Variants in ZNF556 observed in about 807,000 individuals in gnomAD.
ZNF556 encodes zinc finger protein 556.
Under a neutral mutation model 13.6 loss-of-function variants are expected in ZNF556, and 11 were observed. The ratio of observed to expected loss-of-function variants is 0.81; its 90% CI spans 0.51 to 1.33. The LOEUF (loss-of-function observed/expected upper bound fraction) is 1.33, where lower values mean the gene tolerates loss of function less well. Among genes scored for constraint, ZNF556 ranks in the 40% most tolerant of loss-of-function variants. The pLI is 0.00. For synonymous variants in ZNF556, 229 were observed against 207.8 expected (o/e 1.10, Z -0.88); for missense variants, 633 against 566.2 (o/e 1.12, Z -1.20).
At chr19:2,872,180 A>T (rs547638709) in intron 1 of ZNF556, among the ~76,000 whole-genome samples, 32 of 148,666 alleles carry the variant, frequency 2.2e-4, no homozygotes, top group African/African-American at 7.5e-4. Flanking sequence ...GGCCTGACTG[A>T]TGTCAGGCCC....
chr19:2,872,852 G>T (rs1463185549), intron 1 of ZNF556, among the ~76,000 whole-genome samples: 1 of 151,332 alleles, frequency 6.6e-6, no homozygotes, highest in Non-Finnish European at 1.5e-5. Flanking sequence ...ATACTAAAAG[G>T]CCGGGTGTGG....
chr19:2,876,282 T>C lies in ZNF556; in HGVS notation c.314+6T>C. 1.9e-6 allele frequency: 3 copies of C among 1,569,960 alleles called. No homozygotes were observed. Among genetic ancestry groups the C allele is most frequent in the South Asian group, 1.2e-5 (1 of 83,228 alleles). ...ACCAAGGAGAGACATTTGAGGTGAG[T>C]TGTACTTAGAAGAAAAAGGCAGTAT... is the stretch of plus-strand genomic sequence containing the variant. On this transcript the variant is annotated splice_donor_region_variant and intron_variant, in intron 3 of 3. Coordinates refer to ENST00000307635, the MANE Select transcript of ZNF556 (RefSeq NM_024967.3).
chr19:2,870,954 A>G (rs1416116517), intron 1 of ZNF556, among the ~76,000 whole-genome samples: 1 of 145,348 alleles, frequency 6.9e-6, no homozygotes, highest in Admixed American at 6.9e-5. Flanking sequence ...CGGGAGGATC[A>G]CTTGAACCTT....
intron 1 of ZNF556, 119 bp downstream of exon 1, chr19:2,867,543 C>T: frequency 2.1e-6 from 3 of 1,417,716 alleles, no homozygotes; most frequent in Non-Finnish European, 2.9e-6. Context: ...AGCCTCTGTC[C>T]CTGTGTCACC....
rs140420344 is a variant in ZNF556, at chr19:2,873,671, T to C, written c.130+49T>C. ...CTTAGTTATTAGATAATAAATGTTT[T>C]GTCTGGTTGCAGTGGTTCATGCCTG... is the stretch of plus-strand genomic sequence containing the variant. On this transcript the variant is annotated intron_variant, in intron 2 of 3. Coordinates refer to ENST00000307635, the MANE Select transcript of ZNF556 (RefSeq NM_024967.3). 2.1e-4 allele frequency: 336 copies of C among 1,589,030 alleles called. No homozygotes were observed. The African/African-American group carries it at 4.0e-3, about 19-fold the overall frequency.
chr19:2,868,619 G>T (rs1490659737), intron 1 of ZNF556, among the ~76,000 whole-genome samples: 2 of 151,962 alleles, frequency 1.3e-5, no homozygotes, highest in African/African-American at 4.8e-5. Context: ...GTTTTACCAT[G>T]TTGGCCAAGC....
In ZNF556 at chr19:2,875,959, G is replaced by A. The variant is rs370760240; in HGVS notation, c.131-134G>A. 1.1e-3 allele frequency: 851 copies of A among 800,124 alleles called. 6 individuals carry two copies. In the African/African-American group the frequency reaches 0.013, roughly 12 times the overall value. 49.6% of individuals were successfully genotyped at this position (800,124 alleles called of 1,614,324 possible). A position where few individuals can be genotyped will look rare whatever the true frequency, so the allele number is the denominator to read the frequency against. ...AGCCTGGGCGACAGAGTGAGACTCC[G>A]TCTCAAAAATAAATAAATAAATAGA... is the stretch of plus-strand genomic sequence containing the variant. On this transcript the variant is annotated intron_variant, in intron 2 of 3. Transcript: ENST00000307635.
intron 2 of ZNF556, among the ~76,000 whole-genome samples, chr19:2,874,489 A>G (rs1343129203): frequency 2.0e-5 from 3 of 151,424 alleles, no homozygotes; most frequent in Non-Finnish European, 2.9e-5. Context: ...TCATGCCTGT[A>G]ATACCAGCAC....
rs1439154904 is a variant in ZNF556 at position 2,881,421 on chromosome 19, C to CA, written c.*3098dup. The CA allele has an allele frequency of 2.6e-5, 4 of 151,724 alleles. No individual in the cohort carries two copies. The highest frequency in any genetic ancestry group is 2.1e-4 in the South Asian group (1 of 4,800). The allele number at this position is 151,724 out of a possible 1,614,324, so 9.4% of individuals were successfully genotyped here. ...TGAAACCTTGTCTCTACTAAAAATA[C>CA]AAAAAATTGGCCAGGCGTGGTGGCA... is the stretch of plus-strand genomic sequence containing the variant. On this transcript the variant is annotated 3_prime_UTR_variant, in exon 4 of 4. Coordinates refer to ENST00000307635, the MANE Select transcript of ZNF556 (RefSeq NM_024967.3).
chr19:2,873,988 G>A (rs2087827833), intron 2 of ZNF556, among the ~76,000 whole-genome samples: 1 of 152,046 alleles, frequency 6.6e-6, no homozygotes, highest in African/African-American at 2.4e-5. Flanking sequence ...CAGGCACGGT[G>A]GCTCACGCCT....
At chr19:2,876,309 G>T (rs771647520) in intron 3 of ZNF556, 33 bp downstream of exon 3, 35 of 1,540,626 alleles carry the variant, frequency 2.3e-5, no homozygotes, top group Non-Finnish European at 3.0e-5. Flanking sequence ...AGGCAGTATC[G>T]CCAGGCACGG....
Position 2,877,794 on chromosome 19 carries a change from T to G in ZNF556, c.836T>G (p.Ile279Ser). Reference protein sequence around the residue: ...RCQKSFRVHMIMHAGGRPYEC... With the variant: ...RCQKSFRVHMSMHAGGRPYEC... ...CAGAAATCCTTTCGAGTCCATATGA[T>G]CATGCACGCCGGAGGGAGACCGTAT... Residue 279 changes from isoleucine to serine, a missense_variant, in exon 4 of 4, where the codon ATC (isoleucine) becomes AGC (serine). Transcript: ENST00000307635. The G allele has an allele frequency of 6.2e-7, 1 of 1,612,808 alleles. No homozygotes were observed. Among genetic ancestry groups the G allele is most frequent in the Non-Finnish European group, 8.5e-7 (1 of 1,179,628 alleles).
chr19:2,876,763 GC>G (rs2087856090), intron 3 of ZNF556, among the ~76,000 whole-genome samples: 1 of 151,994 alleles, frequency 6.6e-6, no homozygotes, highest in Admixed American at 6.6e-5. Context: ...TTATCAGAGA[GC>G]CCCACATATT....
At chr19:2,872,241 GGA>G (rs2087809366) in intron 1 of ZNF556, among the ~76,000 whole-genome samples, 1 of 152,022 alleles carries the variant, frequency 6.6e-6, no homozygotes, top group Non-Finnish European at 1.5e-5. Context: ...CCGGGGGAAG[GGA>G]GACTCCCCTT....
Position 2,877,323 on chromosome 19 carries a change from G to A in ZNF556, c.365G>A (p.Arg122His), listed in dbSNP as rs371475577. The A allele has an allele frequency of 6.8e-5, 109 of 1,613,984 alleles. 1 individual carries two copies. In the Middle Eastern group the frequency reaches 1.2e-3, roughly 17 times the overall value. The change falls in exon 4 of 4, where the codon CGT (arginine) becomes CAT (histidine). Residue 122 changes from arginine (R) to histidine (H), a missense_variant. Physicochemically the swap from Arg to His is conservative, Grantham distance 29. Transcript: ENST00000307635. ...TGTAAAAGCAGTAAAGGTAATAAACGTGGAAGAACCTTCAGAAAGACTCGA... is the reference window on the plus strand; with the variant it reads ...TGTAAAAGCAGTAAAGGTAATAAACATGGAAGAACCTTCAGAAAGACTCGA... ...RPCKSSKGNKRGRTFRKTRNC... is the reference protein window; with the variant it reads ...RPCKSSKGNKHGRTFRKTRNC...
At chr19:2,873,826 A>G (rs1254117497) in intron 2 of ZNF556, among the ~76,000 whole-genome samples, 1 of 151,404 alleles carries the variant, frequency 6.6e-6, no homozygotes, top group Non-Finnish European at 1.5e-5. Context: ...GTGTGGTAGC[A>G]TGCTCCTGTA....
In ZNF556 at chr19:2,876,277, G is replaced by A. The variant is rs2087851223; in HGVS notation, c.314+1G>A. ...ACAACACCAAGGAGAGACATTTGAG[G>A]TGAGTTGTACTTAGAAGAAAAAGGC... On this transcript the variant is annotated splice_donor_variant, in intron 3 of 3. Coordinates refer to ENST00000307635, the MANE Select transcript of ZNF556 (RefSeq NM_024967.3). LOFTEE classifies it high-confidence loss of function. The A allele has an allele frequency of 6.3e-7, 1 of 1,585,944 alleles. No homozygotes were observed. The highest frequency in any genetic ancestry group is 8.5e-7 in the Non-Finnish European group (1 of 1,170,910).
intron 1 of ZNF556, among the ~76,000 whole-genome samples, chr19:2,868,573 C>T (rs1218494950): frequency 6.6e-6 from 1 of 151,662 alleles, no homozygotes; most frequent in Non-Finnish European, 1.5e-5. Flanking sequence ...TGTGCCACCA[C>T]GTCCAGCTAA....
At position 2,877,705 on chromosome 19, in the gene ZNF556, T is replaced by A. The variant is rs754734421; in HGVS notation, c.747T>A (p.His249Gln). 5 of 1,613,990 alleles carry A rather than the reference T, an allele frequency of 3.1e-6. No individual in the cohort carries two copies. Among genetic ancestry groups the A allele is most frequent in the South Asian group, 2.2e-5 (2 of 91,090 alleles). The change falls in exon 4 of 4, where the codon CAT (histidine) becomes CAA (glutamine). Residue 249 changes from histidine (H) to glutamine (Q), a missense_variant. His to Gln is a conservative substitution (Grantham distance 24, BLOSUM62 0). Transcript: ENST00000307635. ...GTTGTCCCAAATCCTTTCGCGCACA[T>A]GTGATGATGCACGCCGGAGGGAGAC... Reference protein sequence around the residue: ...GFSCPKSFRAHVMMHAGGRPY... With the variant: ...GFSCPKSFRAQVMMHAGGRPY...
Sources: gnomAD v4.1 joint callset for allele counts (sites outside exome capture counted in the v4.1 genomes callset) on GRCh38, gnomAD v4.1.1 for gene constraint, MANE v1.5 for transcripts, NCBI Gene and HGNC (gene_info 2026-07-23, HGNC 2026-07-21) for gene names.